The following RAPGEF2 variants were observed in gnomAD, a reference collection of about 807,000 sequenced individuals.
RAPGEF2 encodes the protein PDZ domain containing guanine nucleotide exchange factor (GEF) 1.
In RAPGEF2, 54 loss-of-function variants were observed where a neutral mutation model predicts 186.7. That is an observed-to-expected ratio of 0.29 (90% confidence interval 0.23 to 0.36). The LOEUF (loss-of-function observed/expected upper bound fraction) is 0.36, where lower values mean the gene tolerates loss of function less well. RAPGEF2 is among the 10% of genes least tolerant of loss of function. The pLI is 1.00. For synonymous variants in RAPGEF2, 712 were observed against 705.9 expected (o/e 1.01, Z -0.14); for missense variants, 1,532 against 2,045.0 (o/e 0.75, Z 4.84).
At chr4:159,350,970 T>G in intron 26 of RAPGEF2, 1 of 1,365,988 alleles carries the variant, frequency 7.3e-7, no homozygotes, top group Non-Finnish European at 1.0e-6. Context: ...GGTAGATATT[T>G]CAGACATCTG....
intron 20 of RAPGEF2, 47 bp from the exon 21 acceptor site, chr4:159,342,932 A>G (rs1229330349): frequency 1.3e-6 from 2 of 1,498,860 alleles, no homozygotes; most frequent in Non-Finnish European, 1.8e-6. Flanking sequence ...TAATCTGTAC[A>G]CTATTTTACT....
chr4:159,195,975 A>G (rs947763462), intron 3 of RAPGEF2, among the ~76,000 whole-genome samples: 1 of 142,586 alleles, frequency 7.0e-6, no homozygotes, highest in Admixed American at 7.6e-5. Context: ...TATTTTAGGT[A>G]ATCTTAAATT....
chr4:159,211,055 C>G (rs1750473911), intron 4 of RAPGEF2, among the ~76,000 whole-genome samples: 1 of 152,186 alleles, frequency 6.6e-6, no homozygotes, highest in Non-Finnish European at 1.5e-5. Flanking sequence ...TTGCATTTGT[C>G]TGTGGATTGG....
intron 4 of RAPGEF2, among the ~76,000 whole-genome samples, chr4:159,219,077 A>G (rs1314050296): frequency 6.6e-6 from 1 of 152,136 alleles, no homozygotes; most frequent in East Asian, 1.9e-4. Context: ...GTGCATAAAT[A>G]TATATTTGTT....
chr4:159,241,399 A>C, intron 6 of RAPGEF2, 31 bp downstream of exon 6: 2 of 1,271,436 alleles, frequency 1.6e-6, no homozygotes, highest in African/African-American at 1.5e-5. Context: ...ATTTTTATTT[A>C]TTTCTAGTTT....
chr4:159,236,005 C>T (rs1300426799), intron 4 of RAPGEF2, among the ~76,000 whole-genome samples: 1 of 152,202 alleles, frequency 6.6e-6, no homozygotes, highest in Non-Finnish European at 1.5e-5. Flanking sequence ...TCCTTTGAGG[C>T]TGCTCTTCCT....
In RAPGEF2 at chr4:159,343,106, A is replaced by C; in HGVS notation, c.3046A>C (p.Asn1016His). ...DPSRNMAKYR[N>H]VLNSQNLQPP... ...TTCCAGAAACATGGCAAAATATCGT[A>C]ATGTTCTCAATAGTCAAAATCTACA... Residue 1016 changes from asparagine to histidine, a missense_variant, in exon 21 of 30, where the codon AAT becomes CAT. By Grantham distance (68) the Asn-to-His change is moderately conservative. Coordinates refer to ENST00000691494, the MANE Select transcript of RAPGEF2 (RefSeq NM_001394067.2). 6.2e-7 allele frequency: 1 copy of C among 1,614,090 alleles called. No individual in the cohort carries two copies. Among genetic ancestry groups the C allele is most frequent in the Non-Finnish European group, 8.5e-7 (1 of 1,179,956 alleles).
At chr4:159,329,695 A>G in intron 11 of RAPGEF2, 163 bp from the exon 12 acceptor site, 1 of 443,964 alleles carries the variant, frequency 2.3e-6, no homozygotes, top group South Asian at 7.9e-5. Flanking sequence ...AATACATTAA[A>G]AGTAGAGAAG....
At chr4:159,238,925 T>TC in intron 5 of RAPGEF2, 41 bp downstream of exon 5, 1 of 1,348,628 alleles carries the variant, frequency 7.4e-7, no homozygotes, top group South Asian at 1.7e-5. Context: ...CCCTAAAAAA[T>TC]TGTATGAAAT....
At position 159,121,481 on chromosome 4, in the gene RAPGEF2, C is replaced by G. The variant is rs529777567; in HGVS notation, c.69+17250C>G. On this transcript the variant is annotated intron_variant, in intron 1 of 29. Coordinates refer to ENST00000691494, the MANE Select transcript of RAPGEF2 (RefSeq NM_001394067.2). ...TCTTGGACTCAAGCTCTCCTCCCAC[C>G]TCAGCCTCTGAATAGCTGGTACTAC... Among the ~76,000 whole-genome samples the G allele has an allele frequency of 3.2e-3, 482 of 152,164 alleles. 1 individual carries two copies. Among genetic ancestry groups the G allele is most frequent in the Middle Eastern group, 0.01 (3 of 294 alleles).
chr4:159,238,797 C>A lies in RAPGEF2; in HGVS notation c.282-12C>A, dbSNP rs77229150. The A allele has an allele frequency of 0.064, 95,120 of 1,488,058 alleles. 3,356 individuals carry two copies. Among genetic ancestry groups the A allele is most frequent in the East Asian group, 0.079 (3,133 of 39,644 alleles). The allele number at this position is 1,488,058 out of a possible 1,614,324, so 92.2% of individuals were successfully genotyped here. On this transcript the variant is annotated splice_polypyrimidine_tract_variant and intron_variant, in intron 4 of 29. Coordinates refer to ENST00000691494, the MANE Select transcript of RAPGEF2 (RefSeq NM_001394067.2). ...GGTTCTCCTCATTGATTTTTTTTTT[C>A]TTTCTTTCTAGTTTTGGCAAGCGTT...
chr4:159,208,670 A>G (rs1750203754), intron 3 of RAPGEF2, among the ~76,000 whole-genome samples: 1 of 152,180 alleles, frequency 6.6e-6, no homozygotes, highest in South Asian at 2.1e-4. Context: ...TGCCATTGCT[A>G]TGTTTAGATT....
intron 2 of RAPGEF2, among the ~76,000 whole-genome samples, chr4:159,189,230 A>G (rs1747865081): frequency 6.6e-6 from 1 of 152,216 alleles, no homozygotes; most frequent in African/African-American, 2.4e-5. Context: ...GTAGAGCAGC[A>G]ACATTCGTGT....
chr4:159,152,420 T>G (rs1743653330), intron 1 of RAPGEF2, among the ~76,000 whole-genome samples: 1 of 152,232 alleles, frequency 6.6e-6, no homozygotes. Flanking sequence ...TGCCCATTCC[T>G]GAATCTATGA....
At chr4:159,162,206 G>A (rs921250603) in intron 1 of RAPGEF2, among the ~76,000 whole-genome samples, 2 of 140,066 alleles carry the variant, frequency 1.4e-5, no homozygotes, top group African/African-American at 5.5e-5. Context: ...GCAATATAGT[G>A]AGACTGTGTT....
intron 7 of RAPGEF2, among the ~76,000 whole-genome samples, chr4:159,299,619 T>C (rs1233000153): frequency 2.0e-5 from 3 of 151,988 alleles, no homozygotes; most frequent in African/African-American, 7.3e-5. Flanking sequence ...TTTAGGTATT[T>C]TACCAATTTA....
At chr4:159,202,427 C>T (rs1470618700) in intron 3 of RAPGEF2, among the ~76,000 whole-genome samples, 2 of 152,166 alleles carry the variant, frequency 1.3e-5, no homozygotes, top group African/African-American at 4.8e-5. Context: ...TGCTTCTCCA[C>T]TCCCGAAAAC....
At chr4:159,268,128 A>G in intron 7 of RAPGEF2, 3 of 1,612,956 alleles carry the variant, frequency 1.9e-6, no homozygotes, top group Non-Finnish European at 2.5e-6. Flanking sequence ...ATGATGTGTA[A>G]ATTCAGTTCA....
chr4:159,185,869 A>G (rs559152783), intron 1 of RAPGEF2, among the ~76,000 whole-genome samples: 2 of 152,302 alleles, frequency 1.3e-5, no homozygotes, highest in South Asian at 2.1e-4. Flanking sequence ...CAAATTTCTT[A>G]AAATAGATCT....
Sources: allele counts gnomAD v4.1 joint callset (sites outside exome capture counted in the v4.1 genomes callset), GRCh38; gene constraint gnomAD v4.1.1; transcripts MANE v1.5; gene names NCBI Gene and HGNC (gene_info 2026-07-23, HGNC 2026-07-21).